Variants in GALNT17 observed in about 807,000 individuals in gnomAD.
GALNT17 encodes UDP-GalNAc:polypeptide N-acetylgalactosaminyltransferase-like 3.
A neutral mutation model predicts 63.7 loss-of-function variants in GALNT17; 29 were observed. The ratio of observed to expected loss-of-function variants is 0.46; its 90% CI spans 0.34 to 0.62. The LOEUF (loss-of-function observed/expected upper bound fraction) is 0.62, where lower values mean the gene tolerates loss of function less well. Ranked by LOEUF, GALNT17 falls within the 20% of genes least tolerant of loss-of-function variation. GALNT17 has a pLI of 0.01. For synonymous variants in GALNT17, 305 were observed against 318.3 expected (o/e 0.96, Z 0.45); for missense variants, 603 against 799.6 (o/e 0.75, Z 2.97).
chr7:71,408,424 G>A lies in GALNT17; in HGVS notation c.590-7465G>A, dbSNP rs147675942. On this transcript the variant is annotated intron_variant, in intron 3 of 10. Transcript: ENST00000333538. ...GTGGCAATGGGAGTTGATGGTGTCAGAAGGAGTGTTGATAGAATTGTGGCA... is the reference window on the plus strand; with the variant it reads ...GTGGCAATGGGAGTTGATGGTGTCAAAAGGAGTGTTGATAGAATTGTGGCA... Among the ~76,000 whole-genome samples the A allele has an allele frequency of 1.5e-4, 23 of 152,306 alleles. No individual in the cohort carries two copies. The East Asian group carries it at 4.4e-3, about 29-fold the overall frequency.
At chr7:71,135,646 T>A (rs1787771377) in intron 1 of GALNT17, among the ~76,000 whole-genome samples, 1 of 152,206 alleles carries the variant, frequency 6.6e-6, no homozygotes, top group Non-Finnish European at 1.5e-5. Context: ...AGGTCTCAGG[T>A]GAAGCCTGAG....
chr7:71,395,535 T>C (rs1047563659), intron 3 of GALNT17, among the ~76,000 whole-genome samples: 21 of 152,360 alleles, frequency 1.4e-4, no homozygotes, highest in African/African-American at 4.8e-4. Flanking sequence ...TTAGGGATAA[T>C]AGGGCTATGA....
At chr7:71,546,014 C>T (rs529778565) in intron 5 of GALNT17, among the ~76,000 whole-genome samples, 7 of 152,156 alleles carry the variant, frequency 4.6e-5, no homozygotes, top group Admixed American at 1.3e-4. Flanking sequence ...AATCCCAGTA[C>T]TTTGGGAGGC....
intron 1 of GALNT17, among the ~76,000 whole-genome samples, chr7:71,325,315 C>T (rs1363015900): frequency 6.6e-6 from 1 of 152,182 alleles, no homozygotes; most frequent in African/African-American, 2.4e-5. Flanking sequence ...CAGAAACTTC[C>T]AAACAAATGC....
intron 5 of GALNT17, among the ~76,000 whole-genome samples, chr7:71,478,730 A>G (rs1424692829): frequency 1.3e-5 from 2 of 152,166 alleles, no homozygotes; most frequent in African/African-American, 4.8e-5. Context: ...GGGTGGCTTC[A>G]CAGACAAAGG....
intron 5 of GALNT17, among the ~76,000 whole-genome samples, chr7:71,515,820 G>A (rs531281707): frequency 3.9e-5 from 6 of 152,276 alleles, no homozygotes; most frequent in African/African-American, 1.4e-4. Context: ...GTAGGATCTG[G>A]GACCTGTGTT....
intron 1 of GALNT17, among the ~76,000 whole-genome samples, chr7:71,135,544 G>T (rs1787769394): frequency 6.6e-6 from 1 of 152,192 alleles, no homozygotes; most frequent in African/African-American, 2.4e-5. Flanking sequence ...CAGAATGGAG[G>T]TTCTTAGCTC....
At chr7:71,299,229 A>G (rs1480606633) in intron 1 of GALNT17, among the ~76,000 whole-genome samples, 1 of 152,126 alleles carries the variant, frequency 6.6e-6, no homozygotes, top group Non-Finnish European at 1.5e-5. Flanking sequence ...ATCAGTTTTA[A>G]GGCCAGTGCT....
At chr7:71,367,128 A>G (rs1048604098) in intron 2 of GALNT17, among the ~76,000 whole-genome samples, 8 of 152,248 alleles carry the variant, frequency 5.3e-5, no homozygotes, top group African/African-American at 1.4e-4. Flanking sequence ...GATCAATAAA[A>G]AACATTCCTC....
At chr7:71,654,103 C>A (rs558569382) in intron 6 of GALNT17, among the ~76,000 whole-genome samples, 3 of 152,158 alleles carry the variant, frequency 2.0e-5, no homozygotes, top group African/African-American at 7.2e-5. Flanking sequence ...GCAGCCTCCA[C>A]CTCCTGAGTT....
Position 71,451,044 on chromosome 7 carries a change from C to T in GALNT17, c.962+29939C>T, listed in dbSNP as rs984134172. Among the ~76,000 whole-genome samples the T allele has an allele frequency of 2.0e-5, 3 of 151,744 alleles. No homozygotes were observed. In the East Asian group the frequency reaches 5.8e-4, roughly 29 times the overall value. ...GTGCTGCACCCATTAACTCATCATT[C>T]ACATTAGGTATATCTCCTAATGCTA... On this transcript the variant is annotated intron_variant, in intron 5 of 10. Coordinates refer to ENST00000333538, the MANE Select transcript of GALNT17 (RefSeq NM_022479.3).
intron 5 of GALNT17, among the ~76,000 whole-genome samples, chr7:71,508,359 T>G (rs1001498218): frequency 6.6e-6 from 1 of 152,200 alleles, no homozygotes; most frequent in Admixed American, 6.5e-5. Context: ...TTAGAGCAAT[T>G]TGGCATCCAG....
intron 2 of GALNT17, among the ~76,000 whole-genome samples, chr7:71,365,972 A>T (rs1240411304): frequency 1.3e-5 from 2 of 152,186 alleles, no homozygotes; most frequent in Non-Finnish European, 2.9e-5. Context: ...AGACGGTCCC[A>T]TCTGGGGGTG....
intron 1 of GALNT17, among the ~76,000 whole-genome samples, chr7:71,136,513 G>A (rs1787785918): frequency 6.6e-6 from 1 of 151,974 alleles, no homozygotes; most frequent in Non-Finnish European, 1.5e-5. Context: ...TTGAGATGGA[G>A]TCTCGCTGTG....
chr7:71,586,879 C>G (rs1269770385), intron 6 of GALNT17, among the ~76,000 whole-genome samples: 4 of 152,006 alleles, frequency 2.6e-5, no homozygotes, highest in African/African-American at 9.7e-5. Flanking sequence ...TCATTCTCTT[C>G]TAGCTGTTTT....
intron 1 of GALNT17, among the ~76,000 whole-genome samples, chr7:71,236,643 G>A (rs1467850271): frequency 6.6e-6 from 1 of 152,172 alleles, no homozygotes; most frequent in Non-Finnish European, 1.5e-5. Flanking sequence ...AACACTCCTG[G>A]ATCGCAGGAT....
intron 1 of GALNT17, among the ~76,000 whole-genome samples, chr7:71,251,141 A>G (rs1583798974): frequency 2.0e-5 from 3 of 152,008 alleles, no homozygotes; most frequent in Admixed American, 2.0e-4. Context: ...TACGTTACGT[A>G]TATCTCCTAA....
intron 1 of GALNT17, among the ~76,000 whole-genome samples, chr7:71,215,509 T>TGTCTTAAA (rs1789461022): frequency 6.6e-6 from 1 of 152,226 alleles, no homozygotes; most frequent in South Asian, 2.1e-4. Flanking sequence ...TTAAAAATTC[T>TGTCTTAAA]GTCTTAAAGT....
At chr7:71,277,600 AAAG>A (rs1790705687) in intron 1 of GALNT17, among the ~76,000 whole-genome samples, 1 of 152,210 alleles carries the variant, frequency 6.6e-6, no homozygotes, top group Non-Finnish European at 1.5e-5. Context: ...TACATTAAAT[AAAG>A]AAGGAGTGTT....
Sources: allele counts gnomAD v4.1 joint callset (sites outside exome capture counted in the v4.1 genomes callset), GRCh38; gene constraint gnomAD v4.1.1; transcripts MANE v1.5; gene names NCBI Gene and HGNC (gene_info 2026-07-23, HGNC 2026-07-21).